The following ARHGAP39 variants were observed in gnomAD, a reference collection of about 807,000 sequenced individuals.
The protein encoded by ARHGAP39 is Rho GTPase activating protein 39.
A neutral mutation model predicts 106.9 loss-of-function variants in ARHGAP39; 44 were observed. That is an observed-to-expected ratio of 0.41 (90% confidence interval 0.32 to 0.53). The LOEUF is 0.53. Ranked by LOEUF, ARHGAP39 falls within the 20% of genes least tolerant of loss-of-function variation. The pLI, the probability that ARHGAP39 is intolerant of heterozygous loss-of-function variation, is 0.21. For synonymous variants in ARHGAP39, 768 were observed against 693.2 expected (o/e 1.11, Z -1.69); for missense variants, 1,496 against 1,577.3 (o/e 0.95, Z 0.87).
At chr8:144,598,736 G>T (rs1453999219) in intron 2 of ARHGAP39, among the ~76,000 whole-genome samples, 3 of 152,212 alleles carry the variant, frequency 2.0e-5, no homozygotes, top group Non-Finnish European at 4.4e-5. Context: ...CACCTGGATG[G>T]AGGTGACTAA....
intron 10 of ARHGAP39, 63 bp from the exon 11 acceptor site, chr8:144,530,934 C>A: frequency 6.4e-7 from 1 of 1,550,698 alleles, no homozygotes; most frequent in Non-Finnish European, 8.7e-7. Flanking sequence ...CAAATGGGGT[C>A]CCGTGGCGGA....
rs188822217 is a variant in ARHGAP39, at chr8:144,586,973, A to G, written c.81-5696T>C. Among the ~76,000 whole-genome samples the G allele has an allele frequency of 1.1e-4, 16 of 152,278 alleles. No individual in the cohort carries two copies. The East Asian group carries it at 1.7e-3, about 17-fold the overall frequency. ...GGGAACAAGTGGAGGTAACTGAATC[A>G]TGGGGGTGGCCTCCCCCATCCTGTT... On this transcript the variant is annotated intron_variant, in intron 2 of 11. Coordinates refer to ENST00000377307, the MANE Select transcript of ARHGAP39 (RefSeq NM_025251.3). The surrounding 1 kb of genome is among the most constrained non-coding windows in gnomAD (Gnocchi z 4.2).
intron 7 of ARHGAP39, 102 bp downstream of exon 7, chr8:144,537,619 C>T: frequency 2.1e-6 from 2 of 966,104 alleles, no homozygotes; most frequent in Non-Finnish European, 3.1e-6. Context: ...GGCCCCATCC[C>T]CCCCGCCCAG....
At chr8:144,606,043 G>T (rs1035370367) in intron 1 of ARHGAP39, among the ~76,000 whole-genome samples, 4 of 152,198 alleles carry the variant, frequency 2.6e-5, no homozygotes. Flanking sequence ...TGGGAGGAGG[G>T]CGAACAGGAG....
Position 144,646,041 on chromosome 8 carries a change from C to A in ARHGAP39, c.-82+39645G>T, listed in dbSNP as rs1441371044. On this transcript the variant is annotated intron_variant, in intron 1 of 11. Transcript: ENST00000377307. This position sits in a 1 kb window ranked among gnomAD's most constrained non-coding sequence, Gnocchi z 5.7. The stretch of plus-strand genomic sequence containing the variant: ...GGTAACCACATTGAACACACCACCA[C>A]CTGACCAGCAACCACCTGCTGGGCG... Among the ~76,000 whole-genome samples the A allele has an allele frequency of 6.6e-6, 1 of 152,244 alleles. No homozygotes were observed. The highest frequency in any genetic ancestry group is 1.5e-5 in the Non-Finnish European group (1 of 68,042).
intron 3 of ARHGAP39, among the ~76,000 whole-genome samples, chr8:144,558,401 TCCTG>T (rs1818023495): frequency 2.0e-5 from 3 of 152,144 alleles, no homozygotes; most frequent in African/African-American, 7.2e-5. Flanking sequence ...CAAGCAATTC[TCCTG>T]CCTCAGCCTC....
At chr8:144,556,283 TAAAAAAAA>T (rs773901158) in intron 3 of ARHGAP39, among the ~76,000 whole-genome samples, 1 of 87,306 alleles carries the variant, frequency 1.1e-5, no homozygotes, top group South Asian at 3.9e-4. Flanking sequence ...AGACTCCATC[TAAAAAAAA>T]AAAAAAAAAA....
chr8:144,632,146 T>G (rs1821077003), intron 1 of ARHGAP39, among the ~76,000 whole-genome samples: 1 of 152,206 alleles, frequency 6.6e-6, no homozygotes, highest in Admixed American at 6.5e-5. Flanking sequence ...CACATCCTGG[T>G]GAACTTTTTT....
intron 2 of ARHGAP39, among the ~76,000 whole-genome samples, chr8:144,589,677 C>T (rs371252050): frequency 6.6e-6 from 1 of 152,224 alleles, no homozygotes; most frequent in Non-Finnish European, 1.5e-5. Flanking sequence ...TGCTGGCAAA[C>T]GCCGCCATCG....
intron 2 of ARHGAP39, among the ~76,000 whole-genome samples, chr8:144,598,893 A>C (rs1469928449): frequency 6.6e-6 from 1 of 152,266 alleles, no homozygotes; most frequent in Admixed American, 6.5e-5. Context: ...CATGTCTTTA[A>C]TATATAAATT....
chr8:144,681,230 C>A (rs2129765828), intron 1 of ARHGAP39, among the ~76,000 whole-genome samples: 1 of 152,254 alleles, frequency 6.6e-6, no homozygotes, highest in East Asian at 2.0e-4. Context: ...GCAGCAGAGA[C>A]AGCCAGTGTC....
chr8:144,656,553 A>C (rs1821703176), intron 1 of ARHGAP39, among the ~76,000 whole-genome samples: 1 of 152,146 alleles, frequency 6.6e-6, no homozygotes. Context: ...CTGTAATCCT[A>C]GCACTCTGGG....
chr8:144,532,123 G>T (rs1262392266), intron 10 of ARHGAP39, among the ~76,000 whole-genome samples, 182 bp downstream of exon 10: 1 of 152,108 alleles, frequency 6.6e-6, no homozygotes, highest in Non-Finnish European at 1.5e-5. Context: ...AGGCCTCGGG[G>T]TGCCCAGCAG....
chr8:144,623,558 G>T (rs1586622473), intron 1 of ARHGAP39, among the ~76,000 whole-genome samples: 1 of 152,260 alleles, frequency 6.6e-6, no homozygotes, highest in African/African-American at 2.4e-5. Context: ...GACCTGACAG[G>T]CGGCCTCGCG....
intron 1 of ARHGAP39, among the ~76,000 whole-genome samples, chr8:144,606,613 G>A (rs530421484): frequency 4.0e-5 from 6 of 151,896 alleles, no homozygotes; most frequent in Admixed American, 3.3e-4. Context: ...GGAGGAGAAG[G>A]AGGAGGAGGA....
rs981496094 is a variant in ARHGAP39 at position 144,585,106 on chromosome 8, G to A, written c.81-3829C>T. ...CTCCACTCGTCCAGGTGTCTGAAGG[G>A]CTTAGACGCCCTCTCCCGATTGGCC... On this transcript the variant is annotated intron_variant, in intron 2 of 11. Coordinates refer to ENST00000377307, the MANE Select transcript of ARHGAP39 (RefSeq NM_025251.3). The surrounding 1 kb of genome is among the most constrained non-coding windows in gnomAD (Gnocchi z 4.6). 2.6e-5 allele frequency among the ~76,000 whole-genome samples: 4 copies of A among 152,128 alleles called. No homozygotes were observed. The highest frequency in any genetic ancestry group is 2.0e-4 in the Admixed American group (3 of 15,272).
chr8:144,532,256 C>T (rs752753658), intron 10 of ARHGAP39, 49 bp downstream of exon 10: 2 of 1,582,492 alleles, frequency 1.3e-6, no homozygotes. Context: ...CCCTGAGAAC[C>T]ACTGCCTGAG....
At chr8:144,590,523 G>C (rs1012961774) in intron 2 of ARHGAP39, among the ~76,000 whole-genome samples, 1 of 152,146 alleles carries the variant, frequency 6.6e-6, no homozygotes, top group Admixed American at 6.5e-5. Flanking sequence ...CTCCCCAGAA[G>C]CTGAGCAGAT....
chr8:144,589,911 A>T (rs1819328093), intron 2 of ARHGAP39, among the ~76,000 whole-genome samples: 1 of 152,234 alleles, frequency 6.6e-6, no homozygotes, highest in Admixed American at 6.5e-5. Flanking sequence ...GAACCTACAG[A>T]GGCTGAGATG....
Sources: gnomAD v4.1 joint callset for allele counts (sites outside exome capture counted in the v4.1 genomes callset) on GRCh38, gnomAD v4.1.1 for gene constraint, Gnocchi (gnomAD v3.1) non-coding constraint, MANE v1.5 for transcripts, NCBI Gene and HGNC (gene_info 2026-07-23, HGNC 2026-07-21) for gene names.